Variants in SLC24A2 observed in about 807,000 individuals in gnomAD.
SLC24A2 encodes the protein solute carrier family 24 member 2.
A neutral mutation model predicts 62.0 loss-of-function variants in SLC24A2; 36 were observed. The observed-to-expected ratio is 0.58, with a 90% CI of 0.44 to 0.77. The LOEUF (loss-of-function observed/expected upper bound fraction) is 0.77. Ranked by LOEUF, SLC24A2 falls within the 30% of genes least tolerant of loss-of-function variation. SLC24A2 has a pLI of 0.00. For synonymous variants in SLC24A2, 358 were observed against 294.0 expected (o/e 1.22, Z -2.23); for missense variants, 846 against 817.9 (o/e 1.03, Z -0.42).
At chr9:20,080,412 C>T in the SLC24A2 span, among the ~76,000 whole-genome samples, 105 of 152,266 alleles carry the variant, frequency 6.9e-4, no homozygotes, top group East Asian at 0.018. Context: ...GCTGGGAAAA[C>T]TGGCTAGCCA....
intron 5 of SLC24A2, among the ~76,000 whole-genome samples, chr9:19,578,082 TGGG>T (rs963125851): frequency 4.1e-5 from 6 of 146,952 alleles, no homozygotes; most frequent in Non-Finnish European, 9.0e-5. Flanking sequence ...TTTGGGGACT[TGGG>T]GGGAAGAGTG....
At chr9:20,049,736 A>C in the SLC24A2 span, among the ~76,000 whole-genome samples, 1 of 152,164 alleles carries the variant, frequency 6.6e-6, no homozygotes, top group African/African-American at 2.4e-5. Flanking sequence ...AGGAAACCAA[A>C]AGGTTTAGCA....
At chr9:19,991,211 C>G in the SLC24A2 span, among the ~76,000 whole-genome samples, 2 of 152,062 alleles carry the variant, frequency 1.3e-5, no homozygotes, top group African/African-American at 4.8e-5. Context: ...GTGCAGCCTT[C>G]AGTCTGTGGC....
the SLC24A2 span, among the ~76,000 whole-genome samples, chr9:20,111,859 T>A: frequency 6.6e-6 from 1 of 152,128 alleles, no homozygotes; most frequent in Non-Finnish European, 1.5e-5. Flanking sequence ...TTAAAAAAAA[T>A]CTAAAATGAA....
In SLC24A2 at chr9:19,516,098, GC is replaced by G; in HGVS notation, c.*54del. 1 of 1,610,370 alleles carries G rather than the reference GC, an allele frequency of 6.2e-7. No individual in the cohort carries two copies. The highest frequency in any genetic ancestry group is 8.5e-7 in the Non-Finnish European group (1 of 1,177,168). ...TTCTCAAGAGGTCAAGGAGCCCAGA[GC>G]CCAGAGTGTGGAGGGACCATTCATG... On this transcript the variant is annotated 3_prime_UTR_variant, in exon 11 of 11. Transcript: ENST00000341998.
At chr9:19,851,016 TATATATACA>T in the SLC24A2 span, among the ~76,000 whole-genome samples, 5 of 74,204 alleles carry the variant, frequency 6.7e-5, no homozygotes, top group Non-Finnish European at 1.1e-4. Context: ...TACATATATA[TATATATACA>T]TATTTTTTTT....
chr9:20,046,286 A>G, the SLC24A2 span, among the ~76,000 whole-genome samples: 18 of 152,246 alleles, frequency 1.2e-4, no homozygotes, highest in Admixed American at 9.2e-4. Flanking sequence ...ATTGCTTCTG[A>G]AGTAAGTAAG....
At chr9:19,817,701 C>A in the SLC24A2 span, among the ~76,000 whole-genome samples, 653 of 151,954 alleles carry the variant, frequency 4.3e-3, 3 homozygotes, top group African/African-American at 0.015. Context: ...CACCAAATCC[C>A]TAAATGTTAG....
upstream of SLC24A2, among the ~76,000 whole-genome samples, chr9:19,791,123 A>G (rs1241581243): frequency 2.0e-5 from 3 of 152,224 alleles, no homozygotes; most frequent in Non-Finnish European, 4.4e-5. Flanking sequence ...CCCAGGGTTT[A>G]TAAAATAGCT....
At chr9:19,813,090 T>A in the SLC24A2 span, among the ~76,000 whole-genome samples, 1 of 152,142 alleles carries the variant, frequency 6.6e-6, no homozygotes, top group Non-Finnish European at 1.5e-5. Flanking sequence ...CAGGCTTAGT[T>A]CTCTGCCCCT....
the SLC24A2 span, among the ~76,000 whole-genome samples, chr9:20,067,700 T>C: frequency 2.0e-5 from 3 of 152,182 alleles, no homozygotes; most frequent in African/African-American, 7.2e-5. Flanking sequence ...TCCATGTTGC[T>C]GCAAAGGACA....
intron 2 of SLC24A2, among the ~76,000 whole-genome samples, chr9:19,775,150 A>G (rs557771075): frequency 3.6e-4 from 55 of 152,324 alleles, no homozygotes; most frequent in African/African-American, 1.3e-3. Context: ...CCTGGCGCCC[A>G]GATCCTTTCC....
At chr9:19,864,874 A>G in the SLC24A2 span, among the ~76,000 whole-genome samples, 1 of 152,108 alleles carries the variant, frequency 6.6e-6, no homozygotes, top group Non-Finnish European at 1.5e-5. Flanking sequence ...AGGATATCCA[A>G]ATTGGAAAGG....
At chr9:19,571,401 ATT>A (rs149140350) in intron 7 of SLC24A2, among the ~76,000 whole-genome samples, 1 of 150,344 alleles carries the variant, frequency 6.7e-6, no homozygotes, top group Admixed American at 6.6e-5. Context: ...AACAATTAGC[ATT>A]TTTTTTTTCT....
the SLC24A2 span, among the ~76,000 whole-genome samples, chr9:20,285,859 T>A: frequency 6.6e-6 from 1 of 152,054 alleles, no homozygotes. Context: ...GGAAGTCCAT[T>A]TGAGGACACA....
chr9:19,883,755 C>G, the SLC24A2 span, among the ~76,000 whole-genome samples: 12 of 151,968 alleles, frequency 7.9e-5, no homozygotes, highest in Non-Finnish European at 1.8e-4. Context: ...TTAGTAGAGT[C>G]GGGGTTTCAC....
chr9:20,219,998 C>A, the SLC24A2 span, among the ~76,000 whole-genome samples: 3 of 152,104 alleles, frequency 2.0e-5, no homozygotes, highest in Non-Finnish European at 2.9e-5. Context: ...GGCTTCTATG[C>A]TTTGAGAAAG....
At chr9:19,808,667 T>C in the SLC24A2 span, among the ~76,000 whole-genome samples, 5 of 152,228 alleles carry the variant, frequency 3.3e-5, no homozygotes, top group African/African-American at 9.6e-5. This position sits in a 1 kb window ranked among gnomAD's most constrained non-coding sequence, Gnocchi z 4.1. Flanking sequence ...TTGAGCACTA[T>C]GGGGTTACAG....
the SLC24A2 span, among the ~76,000 whole-genome samples, chr9:20,238,503 A>G: frequency 7.7e-4 from 117 of 152,360 alleles, no homozygotes; most frequent in South Asian, 1.9e-3. Flanking sequence ...GAATTGGCCA[A>G]GGAAATTATG....
Sources: gnomAD v4.1 joint callset for allele counts (sites outside exome capture counted in the v4.1 genomes callset) on GRCh38, gnomAD v4.1.1 for gene constraint, Gnocchi (gnomAD v3.1) non-coding constraint, MANE v1.5 for transcripts, NCBI Gene and HGNC (gene_info 2026-07-23, HGNC 2026-07-21) for gene names.